POLR3H: variants seen among roughly 807,000 people sequenced by gnomAD.
POLR3H encodes DNA-directed RNA polymerase III subunit RPC8.
POLR3H carries 17 observed loss-of-function variants against 25.5 expected under a neutral mutation model. The ratio of observed to expected loss-of-function variants is 0.67; its 90% CI spans 0.46 to 1.00. The LOEUF (loss-of-function observed/expected upper bound fraction) is 1.00. Among genes scored for constraint, POLR3H ranks in the 50% least tolerant of loss-of-function variants. The pLI is 0.00. For synonymous variants in POLR3H, 129 were observed against 103.0 expected (o/e 1.25, Z -1.53); for missense variants, 274 against 265.0 (o/e 1.03, Z -0.24).
intron 2 of POLR3H, chr22:41,539,750 T>C (rs1037970542): frequency 6.5e-6 from 1 of 152,742 alleles, no homozygotes; most frequent in Non-Finnish European, 1.5e-5. Context: ...GATGAGACCA[T>C]GTGGGGCAGA....
Position 41,526,031 on chromosome 22 carries a change from G to A in POLR3H, c.*3252C>T, listed in dbSNP as rs1601932259. The A allele has an allele frequency of 8.2e-6, 4 of 488,514 alleles. No homozygotes were observed. In the East Asian group the frequency reaches 1.3e-4, roughly 16 times the overall value. 30.3% of individuals were successfully genotyped at this position (488,514 alleles called of 1,614,324 possible). A position where few individuals can be genotyped will look rare whatever the true frequency, so the allele number is the denominator to read the frequency against. ...ACTTTGGGCGGCCTCTGCCCCATAA[G>A]GGAGACTGAGCAGCCAGAGGCCTTT... On this transcript the variant is annotated 3_prime_UTR_variant, in exon 6 of 6. Coordinates refer to ENST00000355209, the MANE Select transcript of POLR3H (RefSeq NM_001018050.4).
intron 2 of POLR3H, chr22:41,533,535 C>T (rs973436220): frequency 5.6e-6 from 7 of 1,243,346 alleles, no homozygotes; most frequent in African/African-American, 1.5e-5. Context: ...ACAGGGCCAC[C>T]GGGTCGAATC....
chr22:41,530,137 C>T (rs966594915), intron 5 of POLR3H, among the ~76,000 whole-genome samples: 2 of 152,004 alleles, frequency 1.3e-5, no homozygotes, highest in East Asian at 3.9e-4. Flanking sequence ...TCCCTACCCC[C>T]CAATTTTTTA....
rs560916994 is a variant in POLR3H, at chr22:41,536,357, T to C, written c.209-3612A>G. 3.3e-5 allele frequency among the ~76,000 whole-genome samples: 5 copies of C among 151,484 alleles called. No individual in the cohort carries two copies. In the South Asian group the frequency reaches 6.2e-4, roughly 19 times the overall value. On this transcript the variant is annotated intron_variant, in intron 2 of 5. Transcript: ENST00000355209. Reference sequence around the variant, plus strand: ...TTGCAGTGAGCCGAGATCACGCCACTGCACTCCAGCCTGGGCGACAGAGCG... The same window carrying C: ...TTGCAGTGAGCCGAGATCACGCCACCGCACTCCAGCCTGGGCGACAGAGCG...
chr22:41,543,785 C>G (rs1179739717), intron 1 of POLR3H: 1 of 696,720 alleles, frequency 1.4e-6, no homozygotes, highest in Non-Finnish European at 2.7e-6. Flanking sequence ...ATTGTGGAAT[C>G]TAACACTTCC....
rs776295040 is a variant in POLR3H at position 41,543,992 on chromosome 22, T to G, written c.110A>C (p.Lys37Thr). The change falls in exon 1 of 6, where the codon AAG becomes ACG. Residue 37 changes from lysine (K) to threonine (T), a missense_variant and splice_region_variant. Coordinates refer to ENST00000355209, the MANE Select transcript of POLR3H (RefSeq NM_001018050.4). Reference sequence around the variant, plus strand: ...GCCCGCGAGCCGTGGGCCCAGTACCTTGTTGGCCAACTTCTTGTTCAGCTC... The same window carrying G: ...GCCCGCGAGCCGTGGGCCCAGTACCGTGTTGGCCAACTTCTTGTTCAGCTC... ...AEELNKKLAN[K>T]VVYNVGLCIC... 6.2e-7 allele frequency: 1 copy of G among 1,611,906 alleles called. No homozygotes were observed.
In POLR3H at chr22:41,543,976, C is replaced by T; in HGVS notation, c.111+15G>A. 1.3e-6 allele frequency: 2 copies of T among 1,588,328 alleles called. No homozygotes were observed. The highest frequency in any genetic ancestry group is 2.2e-5 in the South Asian group (2 of 90,300). Reference sequence around the variant, plus strand: ...TCCCACGCCAAGGCCTGCCCGCGAGCCGTGGGCCCAGTACCTTGTTGGCCA... The same window carrying T: ...TCCCACGCCAAGGCCTGCCCGCGAGTCGTGGGCCCAGTACCTTGTTGGCCA... On this transcript the variant is annotated intron_variant, in intron 1 of 5. Transcript: ENST00000355209.
At chr22:41,529,760 GTTGT>G (rs1231923477) in intron 5 of POLR3H, 1 of 430,638 alleles carries the variant, frequency 2.3e-6, no homozygotes, top group Admixed American at 3.1e-5. Flanking sequence ...CCTTTTTTTT[GTTGT>G]TTTTTTTTTT....
chr22:41,530,575 T>A, intron 5 of POLR3H, 112 bp downstream of exon 5: 1 of 1,008,184 alleles, frequency 9.9e-7, no homozygotes, highest in South Asian at 1.6e-5. Flanking sequence ...CCAAACAGGA[T>A]CCCTGACCTG....
chr22:41,539,110 T>C (rs2066892684), intron 2 of POLR3H: 1 of 152,090 alleles, frequency 6.6e-6, no homozygotes, highest in African/African-American at 2.4e-5. Flanking sequence ...AATACAAAAA[T>C]TAGCCAGGCG....
chr22:41,544,434 C>CCCCG lies in POLR3H; in HGVS notation c.-334_-333insCGGG. 4.8e-6 allele frequency: 1 copy of CCCCG among 208,788 alleles called. No homozygotes were observed. The highest frequency in any genetic ancestry group is 6.2e-5 in the Admixed American group (1 of 16,230). 12.9% of individuals were successfully genotyped at this position (208,788 alleles called of 1,614,324 possible). ...CGCCGCTCGTATCACGCACCACGCACCACGCACCGCGCACAGCCGCTCGCG... is the reference window on the plus strand; with the variant it reads ...CGCCGCTCGTATCACGCACCACGCACCCCGCACGCACCGCGCACAGCCGCTCGCG... On this transcript the variant is annotated 5_prime_UTR_variant, in exon 1 of 6. Transcript: ENST00000355209.
chr22:41,533,659 G>A, intron 2 of POLR3H: 1 of 1,304,026 alleles, frequency 7.7e-7, no homozygotes, highest in South Asian at 1.2e-5. Context: ...AGCAGGGCAT[G>A]AGGAGAGGCA....
chr22:41,528,711 T>A lies in POLR3H; in HGVS notation c.*572A>T. The stretch of plus-strand genomic sequence containing the variant: ...CCAGCCATGGCTTCCTATTCCAAGA[T>A]GGTGTGACCAGACATGCTTCCTGCT... On this transcript the variant is annotated 3_prime_UTR_variant, in exon 6 of 6. Coordinates refer to ENST00000355209, the MANE Select transcript of POLR3H (RefSeq NM_001018050.4). The A allele has an allele frequency of 1.3e-6, 2 of 1,493,696 alleles. No homozygotes were observed. The highest frequency in any genetic ancestry group is 1.8e-6 in the Non-Finnish European group (2 of 1,115,260). 92.5% of individuals were successfully genotyped at this position (1,493,696 alleles called of 1,614,324 possible).
At position 41,528,902 on chromosome 22, in the gene POLR3H, G is replaced by C. The variant is rs576796140; in HGVS notation, c.*381C>G. ...CCCATCTAAAGTTTTTCTCCTGCCT[G>C]ATCATTTCATTGGTGGCTGAAGGAT... On this transcript the variant is annotated 3_prime_UTR_variant, in exon 6 of 6. Coordinates refer to ENST00000355209, the MANE Select transcript of POLR3H (RefSeq NM_001018050.4). 3 of 521,064 alleles carry C rather than the reference G, an allele frequency of 5.8e-6. No homozygotes were observed. The highest frequency in any genetic ancestry group is 6.7e-5 in the East Asian group (2 of 29,954). 32.3% of individuals were successfully genotyped at this position (521,064 alleles called of 1,614,324 possible). A position where few individuals can be genotyped will look rare whatever the true frequency, so the allele number is the denominator to read the frequency against.
Position 41,532,156 on chromosome 22 carries a change from G to T in POLR3H, c.297C>A (p.Val99=). Residue 99 remains valine, a splice_region_variant and synonymous_variant, in exon 4 of 6, where the codon GTC becomes GTA. Transcript: ENST00000355209. ...GAATGTCATCGAAGAAGCCTAGAGAGACTGGAAGGAAGGAAGCAGGTGACG... is the reference window on the plus strand; with the variant it reads ...GAATGTCATCGAAGAAGCCTAGAGATACTGGAAGGAAGGAAGCAGGTGACG... ...IKGCSPEGVH[V]SLGFFDDILI... is the part of the protein sequence containing the mutation. The T allele has an allele frequency of 1.2e-6, 2 of 1,614,032 alleles. No homozygotes were observed. The highest frequency in any genetic ancestry group is 2.2e-5 in the South Asian group (2 of 91,066).
At position 41,527,660 on chromosome 22, in the gene POLR3H, C is replaced by A; in HGVS notation, c.*1623G>T. ...GAGCCGCTGAGATCTAGGACATGTG[C>A]CAGGGGGTTCTTTCTGATCATGAAT... On this transcript the variant is annotated 3_prime_UTR_variant, in exon 6 of 6. Transcript: ENST00000355209. The A allele has an allele frequency of 1.3e-6, 1 of 784,456 alleles. No homozygotes were observed. Among genetic ancestry groups the A allele is most frequent in the Non-Finnish European group, 2.0e-6 (1 of 504,782 alleles). 48.6% of individuals were successfully genotyped at this position (784,456 alleles called of 1,614,324 possible). A position where few individuals can be genotyped will look rare whatever the true frequency, so the allele number is the denominator to read the frequency against.
In POLR3H at chr22:41,527,175, C is replaced by A; in HGVS notation, c.*2108G>T. Reference sequence around the variant, plus strand: ...GGAAGGGCCCCTCCAGCCCCTTTACCGGGAGCCTCAGGATGCCCAGGCGCC... The same window carrying A: ...GGAAGGGCCCCTCCAGCCCCTTTACAGGGAGCCTCAGGATGCCCAGGCGCC... On this transcript the variant is annotated 3_prime_UTR_variant, in exon 6 of 6. Coordinates refer to ENST00000355209, the MANE Select transcript of POLR3H (RefSeq NM_001018050.4). 6.6e-7 allele frequency: 1 copy of A among 1,523,370 alleles called. No individual in the cohort carries two copies. Among genetic ancestry groups the A allele is most frequent in the East Asian group, 2.3e-5 (1 of 43,924 alleles). The allele number at this position is 1,523,370 out of a possible 1,614,324, so 94.4% of individuals were successfully genotyped here.
At chr22:41,532,181 G>C (rs374603439) in intron 3 of POLR3H, 24 bp from the exon 4 acceptor site, 1 of 1,610,816 alleles carries the variant, frequency 6.2e-7, no homozygotes, top group Non-Finnish European at 8.5e-7. Context: ...AGCAGGTGAC[G>C]GCCTGAGATG....
At position 41,528,193 on chromosome 22, in the gene POLR3H, G is replaced by A. The variant is rs2066644228; in HGVS notation, c.*1090C>T. 5 of 1,094,192 alleles carry A rather than the reference G, an allele frequency of 4.6e-6. No homozygotes were observed. The Admixed American group carries it at 1.3e-4, about 29-fold the overall frequency. The allele number at this position is 1,094,192 out of a possible 1,614,324, so 67.8% of individuals were successfully genotyped here. A position where few individuals can be genotyped will look rare whatever the true frequency, so the allele number is the denominator to read the frequency against. ...AGCAAAGTGGCTTCTCAGAGTTGGG[G>A]GTTGGAGTCAACCCGGGGCCCTCAC... On this transcript the variant is annotated 3_prime_UTR_variant, in exon 6 of 6. Transcript: ENST00000355209.
Sources: allele counts gnomAD v4.1 joint callset (sites outside exome capture counted in the v4.1 genomes callset), GRCh38; gene constraint gnomAD v4.1.1; transcripts MANE v1.5; gene names NCBI Gene and HGNC (gene_info 2026-07-23, HGNC 2026-07-21).